Variants in RNF24 observed in about 807,000 individuals in gnomAD.
The protein encoded by RNF24 is ring finger protein 24.
RNF24 carries 14 observed loss-of-function variants against 20.0 expected under a neutral mutation model. The ratio of observed to expected loss-of-function variants is 0.70; its 90% confidence interval spans 0.46 to 1.10. The LOEUF is 1.10. RNF24 is among the 50% of genes least tolerant of loss of function. The pLI, the probability that RNF24 is intolerant of heterozygous loss-of-function variation, is 0.00. For missense variants in RNF24, 124 were observed against 177.6 expected, an observed-to-expected ratio of 0.70 and a Z score of 1.71; for synonymous variants, 45 against 61.1, an observed-to-expected ratio of 0.74 and a Z score of 1.23.
intron 1 of RNF24, among the ~76,000 whole-genome samples, chr20:4,006,026 G>A (rs1981840874): frequency 6.6e-6 from 1 of 152,124 alleles, no homozygotes; most frequent in South Asian, 2.1e-4. Context: ...GAAAACATAA[G>A]TACCATCAAA....
rs562994497 is a variant in RNF24 at position 4,003,866 on chromosome 20, ACTCCTGAC to A, written c.-8+11563_-8+11570del. ...GCCATGTTGGACAGGCTGGTCTCAA[ACTCCTGAC>A]CTCAAGTGATCTACCCCACCTCGGC... On this transcript the variant is annotated intron_variant, in intron 1 of 5. Coordinates refer to ENST00000358395, the MANE Select transcript of RNF24 (RefSeq NM_001134337.3). Among the ~76,000 whole-genome samples, 10 of 150,790 alleles carry A rather than the reference ACTCCTGAC, an allele frequency of 6.6e-5. No homozygotes were observed. The East Asian group carries it at 2.0e-3, about 29-fold the overall frequency.
intron 4 of RNF24, among the ~76,000 whole-genome samples, chr20:3,940,581 A>C (rs1247230057): frequency 6.6e-6 from 1 of 152,206 alleles, no homozygotes; most frequent in Admixed American, 6.5e-5. Context: ...ATATTTATGA[A>C]GCTGAGTAAA....
chr20:3,937,486 A>G (rs1222822742), intron 4 of RNF24, among the ~76,000 whole-genome samples: 2 of 152,178 alleles, frequency 1.3e-5, no homozygotes, highest in Non-Finnish European at 2.9e-5. Flanking sequence ...TAACAGTACA[A>G]TTCAGCAGTT....
intron 1 of RNF24, among the ~76,000 whole-genome samples, chr20:3,969,859 C>T (rs1034793146): frequency 1.3e-5 from 2 of 151,800 alleles, no homozygotes; most frequent in African/African-American, 4.8e-5. Context: ...CAACCTCCGC[C>T]TTCCAGGTTC....
At chr20:3,991,954 A>G (rs1055714248) in intron 1 of RNF24, among the ~76,000 whole-genome samples, 2 of 152,054 alleles carry the variant, frequency 1.3e-5, no homozygotes, top group African/African-American at 4.8e-5. Context: ...ACACACACAC[A>G]CACACACGGA....
chr20:3,962,992 C>G (rs1600661626), intron 2 of RNF24, among the ~76,000 whole-genome samples: 2 of 151,934 alleles, frequency 1.3e-5, no homozygotes, highest in East Asian at 3.9e-4. Flanking sequence ...AGCCACTGCA[C>G]CTGGCTGATC....
chr20:3,995,774 G>A (rs931795607), intron 1 of RNF24, among the ~76,000 whole-genome samples: 2 of 151,936 alleles, frequency 1.3e-5, no homozygotes, highest in African/African-American at 2.4e-5. Flanking sequence ...CAACTGAGAC[G>A]ATGGGGCAGA....
intron 1 of RNF24, among the ~76,000 whole-genome samples, chr20:3,968,254 A>G: frequency 6.6e-6 from 1 of 151,798 alleles, no homozygotes; most frequent in East Asian, 1.9e-4. Flanking sequence ...GTGAGCTGAG[A>G]TCGCACCATT....
At chr20:3,955,153 A>G (rs1194090784) in intron 2 of RNF24, among the ~76,000 whole-genome samples, 1 of 152,188 alleles carries the variant, frequency 6.6e-6, no homozygotes, top group Non-Finnish European at 1.5e-5. Context: ...CCATTTGTGT[A>G]ACTTCTTTGG....
chr20:3,961,348 C>G (rs1005262478), intron 2 of RNF24, among the ~76,000 whole-genome samples: 2 of 151,176 alleles, frequency 1.3e-5, no homozygotes, highest in Admixed American at 6.6e-5. Context: ...CTTTGGTGAG[C>G]CTCATGTCAC....
At chr20:3,960,840 A>C (rs187726533) in intron 2 of RNF24, among the ~76,000 whole-genome samples, 1 of 151,952 alleles carries the variant, frequency 6.6e-6, no homozygotes, top group Non-Finnish European at 1.5e-5. Flanking sequence ...TTTTTGAGAC[A>C]GGGTAGAGTG....
At chr20:3,993,250 A>G (rs1459030685) in intron 1 of RNF24, among the ~76,000 whole-genome samples, 2 of 152,138 alleles carry the variant, frequency 1.3e-5, no homozygotes, top group African/African-American at 4.8e-5. Context: ...AGCTGCCCAA[A>G]CTGAAACCAC....
At chr20:3,975,615 T>A (rs759758422) in intron 1 of RNF24, among the ~76,000 whole-genome samples, 6 of 152,224 alleles carry the variant, frequency 3.9e-5, no homozygotes, top group Non-Finnish European at 5.9e-5. Flanking sequence ...TCCCAGTACC[T>A]CTGAATGTGA....
intron 2 of RNF24, among the ~76,000 whole-genome samples, chr20:3,952,582 GT>G (rs60466405): frequency 1.5e-3 from 206 of 135,622 alleles, no homozygotes; most frequent in Middle Eastern, 3.8e-3. Context: ...CTTTTTTCCC[GT>G]TTTTTTTTTT....
chr20:3,948,654 T>C (rs1372256735), intron 2 of RNF24, among the ~76,000 whole-genome samples: 1 of 152,204 alleles, frequency 6.6e-6, no homozygotes, highest in Non-Finnish European at 1.5e-5. Context: ...GGATAACTGT[T>C]GCTCATATCA....
At chr20:3,939,189 T>C (rs1371023011) in intron 4 of RNF24, among the ~76,000 whole-genome samples, 2 of 152,212 alleles carry the variant, frequency 1.3e-5, no homozygotes, top group Non-Finnish European at 2.9e-5. Flanking sequence ...AGACAGAGTC[T>C]TGCTATGTTG....
chr20:3,977,840 G>C (rs1160092726), intron 1 of RNF24, among the ~76,000 whole-genome samples: 2 of 148,726 alleles, frequency 1.3e-5, no homozygotes, highest in African/African-American at 5.0e-5. Flanking sequence ...CTCCAGCCTG[G>C]GCGACACAGC....
At chr20:4,006,327 C>G (rs1396761898) in intron 1 of RNF24, among the ~76,000 whole-genome samples, 2 of 151,620 alleles carry the variant, frequency 1.3e-5, no homozygotes, top group Non-Finnish European at 1.5e-5. Flanking sequence ...AGAAAGAGCA[C>G]CACTGCACTC....
chr20:3,999,945 A>C lies in RNF24; in HGVS notation c.-8+15492T>G, dbSNP rs1346079398. Reference sequence around the variant, plus strand: ...AAAATCCTATTTATATAAGAGGCCCAGAATAAGCAAATCTATAGAAATAGA... The same window carrying C: ...AAAATCCTATTTATATAAGAGGCCCCGAATAAGCAAATCTATAGAAATAGA... On this transcript the variant is annotated intron_variant, in intron 1 of 5. Coordinates refer to ENST00000358395, the MANE Select transcript of RNF24 (RefSeq NM_001134337.3). Among the ~76,000 whole-genome samples, 3 of 152,356 alleles carry C rather than the reference A, an allele frequency of 2.0e-5. No individual in the cohort carries two copies. In the East Asian group the frequency reaches 5.8e-4, roughly 29 times the overall value.
Sources: allele counts gnomAD v4.1 joint callset (sites outside exome capture counted in the v4.1 genomes callset), GRCh38; gene constraint gnomAD v4.1.1; transcripts MANE v1.5; gene names NCBI Gene and HGNC (gene_info 2026-07-23, HGNC 2026-07-21).